The following PDHX variants were observed in gnomAD, a reference collection of about 807,000 sequenced individuals.
PDHX encodes pyruvate dehydrogenase complex component X.
Under a neutral mutation model 55.3 loss-of-function variants are expected in PDHX, and 33 were observed. That is an observed-to-expected ratio of 0.60 (90% CI 0.45 to 0.80). The LOEUF is 0.80. Among genes scored for constraint, PDHX ranks in the 30% least tolerant of loss-of-function variants. The pLI is 0.00. For missense variants in PDHX, 622 were observed against 619.9 expected (o/e 1.00, Z -0.04); for synonymous variants, 226 against 219.4 (o/e 1.03, Z -0.27).
intron 2 of PDHX, among the ~76,000 whole-genome samples, chr11:34,945,483 T>G (rs1854600237): frequency 6.6e-6 from 1 of 152,150 alleles, no homozygotes; most frequent in African/African-American, 2.4e-5. Flanking sequence ...CATTCTCAAA[T>G]GATGGTTTGG....
intron 1 of PDHX, among the ~76,000 whole-genome samples, chr11:34,923,324 A>G (rs552329535): frequency 2.3e-4 from 35 of 152,336 alleles, no homozygotes; most frequent in African/African-American, 7.5e-4. Context: ...AATTAGGATC[A>G]GCAAATGTAT....
intron 1 of PDHX, among the ~76,000 whole-genome samples, chr11:34,919,872 A>G (rs1463028426): frequency 1.3e-5 from 2 of 152,236 alleles, no homozygotes; most frequent in Non-Finnish European, 2.9e-5. Context: ...TATTTGCCAC[A>G]TGGCACATTT....
chr11:34,995,229 A>G lies in PDHX; in HGVS notation c.*57A>G, dbSNP rs1026159698. Reference sequence around the variant, plus strand: ...AGTTGATTCAGTAGTTGTTACCAAGAAACATATGTTATAGGAAAACAACTT... The same window carrying G: ...AGTTGATTCAGTAGTTGTTACCAAGGAACATATGTTATAGGAAAACAACTT... On this transcript the variant is annotated 3_prime_UTR_variant, in exon 11 of 11. Transcript: ENST00000227868. The G allele has an allele frequency of 1.9e-4, 293 of 1,573,408 alleles. No homozygotes were observed. Among genetic ancestry groups the G allele is most frequent in the Non-Finnish European group, 2.3e-4 (266 of 1,144,880 alleles).
At chr11:34,958,377 C>A (rs569484348) in intron 4 of PDHX, among the ~76,000 whole-genome samples, 1 of 151,892 alleles carries the variant, frequency 6.6e-6, no homozygotes, top group African/African-American at 2.4e-5. Flanking sequence ...CTCAGCTTAC[C>A]GCAACCTCGG....
In PDHX at chr11:34,960,363, A is replaced by G. The variant is rs998459705; in HGVS notation, c.543-57A>G. The G allele has an allele frequency of 9.7e-6, 11 of 1,137,134 alleles. No homozygotes were observed. The African/African-American group carries it at 1.1e-4, about 11-fold the overall frequency. The allele number at this position is 1,137,134 out of a possible 1,614,324, so 70.4% of individuals were successfully genotyped here. On this transcript the variant is annotated intron_variant, in intron 4 of 10. Coordinates refer to ENST00000227868, the MANE Select transcript of PDHX (RefSeq NM_003477.3). ...TGCGAAACTGTTGACATTTAGATCT[A>G]TTTGAATCAAATGTAAGTGTTAATT... is the stretch of plus-strand genomic sequence containing the variant.
At chr11:34,957,760 GTAAA>G (rs1451499043) in intron 4 of PDHX, among the ~76,000 whole-genome samples, 177 bp downstream of exon 4, 7 of 151,542 alleles carry the variant, frequency 4.6e-5, no homozygotes, top group South Asian at 2.1e-4. Context: ...TGTTCATTCA[GTAAA>G]TAAATAGTTA....
At chr11:34,954,124 T>G (rs928007867) in intron 3 of PDHX, among the ~76,000 whole-genome samples, 5 of 152,218 alleles carry the variant, frequency 3.3e-5, no homozygotes, top group Non-Finnish European at 7.3e-5. Context: ...ATGAACCAGA[T>G]AAGTCAGTCA....
chr11:34,925,947 A>G (rs543933653), intron 1 of PDHX, among the ~76,000 whole-genome samples: 2 of 152,314 alleles, frequency 1.3e-5, no homozygotes, highest in African/African-American at 4.8e-5. Context: ...TTATAGTCCC[A>G]AACATTTCTG....
In PDHX at chr11:34,939,566, C is replaced by A. The variant is rs1386942058; in HGVS notation, c.242-7940C>A. ...TAAGGGTGCAAAGAAAAAACTCTGG[C>A]CCAGGAATCATGGTTTTTCCTTTGG... On this transcript the variant is annotated intron_variant, in intron 2 of 10. Coordinates refer to ENST00000227868, the MANE Select transcript of PDHX (RefSeq NM_003477.3). Among the ~76,000 whole-genome samples, 4 of 152,150 alleles carry A rather than the reference C, an allele frequency of 2.6e-5. No homozygotes were observed. In the East Asian group the frequency reaches 7.7e-4, roughly 29 times the overall value.
intron 1 of PDHX, among the ~76,000 whole-genome samples, chr11:34,924,756 A>G (rs60774328): frequency 0.19 from 28,629 of 151,868 alleles, 3,810 homozygotes; most frequent in African/African-American, 0.39. Context: ...ATATAGTTTA[A>G]ATAGTACTGA....
rs974497209 is a variant in PDHX at position 34,977,799 on chromosome 11, C to T, written c.965-325C>T. On this transcript the variant is annotated intron_variant, in intron 7 of 10. Coordinates refer to ENST00000227868, the MANE Select transcript of PDHX (RefSeq NM_003477.3). The stretch of plus-strand genomic sequence containing the variant: ...CCACAGAGAGATCATTTGTCTTTTT[C>T]GAGACATAGGAGTTAGTTCTTTTTT... The T allele has an allele frequency of 3.6e-5, 17 of 467,030 alleles. No homozygotes were observed. The Middle Eastern group carries it at 9.6e-4, about 26-fold the overall frequency. 28.9% of individuals were successfully genotyped at this position (467,030 alleles called of 1,614,324 possible).
chr11:34,991,439 C>G lies in PDHX; in HGVS notation c.1183-876C>G, dbSNP rs571610009. Among the ~76,000 whole-genome samples the G allele has an allele frequency of 2.0e-5, 3 of 152,106 alleles. No homozygotes were observed. The East Asian group carries it at 5.8e-4, about 29-fold the overall frequency. On this transcript the variant is annotated intron_variant, in intron 9 of 10. Coordinates refer to ENST00000227868, the MANE Select transcript of PDHX (RefSeq NM_003477.3). ...TTAAAAAATCATTTCTGAAGGCTGA[C>G]AACACAGAAGATACATATAATATTG...
intron 3 of PDHX, among the ~76,000 whole-genome samples, chr11:34,948,573 CTT>C (rs34358212): frequency 0.12 from 15,802 of 134,974 alleles, 1,821 homozygotes; most frequent in African/African-American, 0.31. Flanking sequence ...TCCTCTTTTC[CTT>C]TTTTTTTTTT....
At chr11:34,953,446 A>G (rs1398153824) in intron 3 of PDHX, among the ~76,000 whole-genome samples, 1 of 152,224 alleles carries the variant, frequency 6.6e-6, no homozygotes, top group Non-Finnish European at 1.5e-5. Flanking sequence ...AAAGTATACT[A>G]CAAGGCTACA....
chr11:34,984,674 A>T lies in PDHX; in HGVS notation c.1128A>T (p.Pro376=), dbSNP rs748156460. 1 of 1,614,118 alleles carries T rather than the reference A, an allele frequency of 6.2e-7. No individual in the cohort carries two copies. The highest frequency in any genetic ancestry group is 1.1e-5 in the South Asian group (1 of 91,088). The change falls in exon 9 of 11, where the codon CCA becomes CCT. Residue 376 remains proline, a synonymous_variant. Coordinates refer to ENST00000227868, the MANE Select transcript of PDHX (RefSeq NM_003477.3). ...AVATDKGLLT[P]IIKDAAAKGI... ...CAACAGATAAAGGCTTACTTACTCC[A>T]ATCATAAAAGATGCTGCTGCTAAAG...
intron 3 of PDHX, among the ~76,000 whole-genome samples, chr11:34,955,012 G>A (rs1327418622): frequency 6.6e-6 from 1 of 152,164 alleles, no homozygotes; most frequent in Non-Finnish European, 1.5e-5. Flanking sequence ...TTTCAGTATC[G>A]ATGAGCTCTA....
chr11:34,980,069 T>A (rs1375830644), intron 8 of PDHX, among the ~76,000 whole-genome samples: 1 of 151,364 alleles, frequency 6.6e-6, no homozygotes, highest in African/African-American at 2.4e-5. Context: ...TCAGCTTTTT[T>A]AAAAAATCAA....
chr11:34,980,226 AT>A (rs1203291248), intron 8 of PDHX, among the ~76,000 whole-genome samples: 1 of 149,976 alleles, frequency 6.7e-6, no homozygotes, highest in African/African-American at 2.5e-5. Context: ...TCTATTGCAT[AT>A]TTATATATTC....
upstream of PDHX, chr11:34,915,994 G>A (rs1029152225): frequency 9.1e-5 from 54 of 590,700 alleles, no homozygotes; most frequent in Non-Finnish European, 1.5e-4. Context: ...CCAACGTTTG[G>A]CGCCCAGCTC....
Sources: gnomAD v4.1 joint callset for allele counts (sites outside exome capture counted in the v4.1 genomes callset) on GRCh38, gnomAD v4.1.1 for gene constraint, MANE v1.5 for transcripts, NCBI Gene and HGNC (gene_info 2026-07-23, HGNC 2026-07-21) for gene names.